Variants in PLAT observed in about 807,000 individuals in gnomAD.
PLAT encodes plasminogen activator, tissue type.
In PLAT, 48 loss-of-function variants were observed where a neutral mutation model predicts 74.9. That is an observed-to-expected ratio of 0.64 (90% CI 0.51 to 0.82). The LOEUF is 0.82. Among genes scored for constraint, PLAT ranks in the 40% least tolerant of loss-of-function variants. The pLI is 0.00. For missense variants in PLAT, 673 were observed against 736.2 expected (o/e 0.91, Z 0.99); for synonymous variants, 307 against 294.4 (o/e 1.04, Z -0.44).
chr8:42,183,985 G>C (rs1196182270), intron 7 of PLAT, among the ~76,000 whole-genome samples: 1 of 152,054 alleles, frequency 6.6e-6, no homozygotes, highest in Non-Finnish European at 1.5e-5. Context: ...CTGTCACCCA[G>C]GCTGGAGTGC....
Position 42,187,406 on chromosome 8 carries a change from G to A in PLAT, c.531C>T (p.Asn177=), listed in dbSNP as rs1040670899. ...TGGGGATGTGCCCTCACCTGCAGTA[G>A]TTGTGGTTCCCCAGGCCCAGCCTGA... ...DAIRLGLGNH[N]YCRNPDRDSK... Residue 177 remains asparagine, a synonymous_variant, in exon 6 of 14, where the codon AAC becomes AAT. Transcript: ENST00000220809. 3.2e-6 allele frequency: 5 copies of A among 1,583,088 alleles called. No homozygotes were observed. Among genetic ancestry groups the A allele is most frequent in the Non-Finnish European group, 4.3e-6 (5 of 1,167,414 alleles).
chr8:42,181,400 G>A (rs1056071683), intron 9 of PLAT, among the ~76,000 whole-genome samples: 3 of 152,182 alleles, frequency 2.0e-5, no homozygotes, highest in Non-Finnish European at 4.4e-5. Context: ...AACAGGAAAC[G>A]TGGAAGATCT....
chr8:42,192,582 A>T (rs908087837), intron 2 of PLAT, among the ~76,000 whole-genome samples: 20 of 152,140 alleles, frequency 1.3e-4, no homozygotes, highest in South Asian at 6.2e-4. Flanking sequence ...AACACAAATT[A>T]AAAAATACCT....
chr8:42,197,368 T>G (rs974127321), intron 1 of PLAT, among the ~76,000 whole-genome samples: 4 of 152,248 alleles, frequency 2.6e-5, no homozygotes, highest in African/African-American at 9.6e-5. Flanking sequence ...ACTCTGTTCC[T>G]GGGCCCTGCC....
intron 10 of PLAT, 21 bp downstream of exon 10, chr8:42,180,469 A>C (rs1194027445): frequency 1.9e-6 from 3 of 1,613,878 alleles, no homozygotes; most frequent in Non-Finnish European, 2.5e-6. Flanking sequence ...GGAAAAACCA[A>C]CTGGGTTTCC....
At chr8:42,178,114 C>G (rs1805043541) in intron 13 of PLAT, among the ~76,000 whole-genome samples, 1 of 152,214 alleles carries the variant, frequency 6.6e-6, no homozygotes, top group South Asian at 2.1e-4. Flanking sequence ...AAATAGTGTG[C>G]TTTCCCAGGG....
At chr8:42,195,221 C>T (rs187094212) in intron 1 of PLAT, among the ~76,000 whole-genome samples, 213 of 145,688 alleles carry the variant, frequency 1.5e-3, no homozygotes, top group African/African-American at 3.3e-3. Context: ...TACTTCGAAA[C>T]GAACTCCCCC....
chr8:42,200,115 C>A (rs1286234149), intron 1 of PLAT, among the ~76,000 whole-genome samples: 2 of 152,222 alleles, frequency 1.3e-5, no homozygotes, highest in Non-Finnish European at 2.9e-5. Flanking sequence ...ATGAATGCCA[C>A]TCACTCAACA....
chr8:42,176,193 G>T, intron 13 of PLAT, 42 bp from the exon 14 acceptor site: 1 of 1,541,590 alleles, frequency 6.5e-7, no homozygotes, highest in Non-Finnish European at 8.9e-7. Context: ...AAAAAAAGCA[G>T]ACTATCTGGA....
intron 12 of PLAT, among the ~76,000 whole-genome samples, chr8:42,179,498 A>C (rs557438594): frequency 1.3e-5 from 2 of 152,200 alleles, no homozygotes; most frequent in Admixed American, 1.3e-4. Context: ...TAACCCTCCT[A>C]ATCTAATTAG....
chr8:42,193,990 A>C (rs1805790401), intron 1 of PLAT, among the ~76,000 whole-genome samples: 1 of 137,406 alleles, frequency 7.3e-6, no homozygotes, highest in African/African-American at 2.8e-5. Flanking sequence ...GTGGGATTAC[A>C]GGCGTGAGCC....
Position 42,203,992 on chromosome 8 carries a change from T to TACAC in PLAT, c.-27+3498_-27+3501dup, listed in dbSNP as rs775189467. 9.1e-3 allele frequency among the ~76,000 whole-genome samples: 999 copies of TACAC among 109,738 alleles called. 29 individuals are homozygous for TACAC. The highest frequency in any genetic ancestry group is 0.066 in the East Asian group (260 of 3,968). 72.0% of individuals were successfully genotyped at this position (109,738 alleles called of 152,430 possible). On this transcript the variant is annotated intron_variant, in intron 1 of 13. Coordinates refer to ENST00000220809, the MANE Select transcript of PLAT (RefSeq NM_000930.5). ...AATTATATATATATATATATATATA[T>TACAC]ACACACACACACACACACACACACA...
At chr8:42,193,715 CT>C (rs59602216) in intron 1 of PLAT, 84,098 of 147,340 alleles carry the variant, frequency 0.57, 24,148 homozygotes, top group East Asian at 0.69. Flanking sequence ...GTAGCATGTC[CT>C]TTTTTTTTTT....
intron 2 of PLAT, among the ~76,000 whole-genome samples, chr8:42,192,804 T>A (rs1805735610): frequency 6.6e-6 from 1 of 152,202 alleles, no homozygotes; most frequent in Non-Finnish European, 1.5e-5. Context: ...ATGGATTAAT[T>A]TGAATACATT....
Position 42,180,279 on chromosome 8 carries a change from A to G in PLAT, c.1185T>C (p.His395=), listed in dbSNP as rs1805176924. 1 of 1,614,210 alleles carries G rather than the reference A, an allele frequency of 6.2e-7. No homozygotes were observed. The highest frequency in any genetic ancestry group is 8.5e-7 in the Non-Finnish European group (1 of 1,180,016). ...QKFEVEKYIV[H]KEFDDDTYDN... is the part of the protein sequence containing the mutation. ...CGTAAGTGTCATCATCGAATTCCTT[A>G]TGGACAATGTATTTTTCGACTTCAA... The change falls in exon 11 of 14, where the codon CAT becomes CAC. Residue 395 remains histidine (H), a synonymous_variant. Transcript: ENST00000220809.
chr8:42,187,334 G>T (rs1761395288), intron 6 of PLAT, 64 bp downstream of exon 6: 2 of 1,419,022 alleles, frequency 1.4e-6, no homozygotes, highest in Admixed American at 2.1e-5. Context: ...GGATCTGACA[G>T]AATCTTTCCC....
chr8:42,184,878 T>C, intron 7 of PLAT: 1 of 438,266 alleles, frequency 2.3e-6, no homozygotes, highest in Non-Finnish European at 4.0e-6. Flanking sequence ...TGTGAGGAGA[T>C]CAGCTCCAGG....
chr8:42,192,907 C>T (rs1805740876), intron 2 of PLAT, among the ~76,000 whole-genome samples: 1 of 152,246 alleles, frequency 6.6e-6, no homozygotes, highest in Non-Finnish European at 1.5e-5. Flanking sequence ...TAGGGCCCAG[C>T]TACACACTGG....
At chr8:42,203,588 T>C (rs1328758562) in intron 1 of PLAT, among the ~76,000 whole-genome samples, 2 of 152,230 alleles carry the variant, frequency 1.3e-5, no homozygotes, top group Non-Finnish European at 2.9e-5. Flanking sequence ...GAATTGGGTT[T>C]ATCTGTCCCT....
Sources: allele counts gnomAD v4.1 joint callset (sites outside exome capture counted in the v4.1 genomes callset), GRCh38; gene constraint gnomAD v4.1.1; transcripts MANE v1.5; gene names NCBI Gene and HGNC (gene_info 2026-07-23, HGNC 2026-07-21).